Variants in TRIP11 observed in about 807,000 individuals in gnomAD.
TRIP11 encodes the protein thyroid hormone receptor interactor 11.
In TRIP11, 148 loss-of-function variants were observed where a neutral mutation model predicts 223.1. The ratio of observed to expected loss-of-function variants is 0.66; its 90% CI spans 0.58 to 0.76. TRIP11 has a LOEUF of 0.76. Ranked by LOEUF, TRIP11 falls within the 30% of genes least tolerant of loss-of-function variation. The pLI, the probability that TRIP11 is intolerant of heterozygous loss-of-function variation, is 0.00. For synonymous variants in TRIP11, 762 were observed against 772.6 expected (o/e 0.99, Z 0.23); for missense variants, 2,043 against 2,222.0 (o/e 0.92, Z 1.62).
intron 4 of TRIP11, among the ~76,000 whole-genome samples, chr14:92,018,177 CTCCACCTCCTGGGTTCAGGCAA>C (rs1208055977): frequency 6.6e-6 from 1 of 151,624 alleles, no homozygotes; most frequent in Non-Finnish European, 1.5e-5. Context: ...TCACTGCAGC[CTCCACCTCCTGGGTTCAGGCAA>C]TCCTCCCACC....
chr14:92,033,429 T>C (rs1445252871), intron 1 of TRIP11, among the ~76,000 whole-genome samples, 176 bp from the exon 2 acceptor site: 1 of 152,240 alleles, frequency 6.6e-6, no homozygotes, highest in Non-Finnish European at 1.5e-5. Flanking sequence ...ACACTAATGT[T>C]CTTCATTGTC....
intron 1 of TRIP11, among the ~76,000 whole-genome samples, chr14:92,034,424 C>CA (rs34612555): frequency 0.28 from 36,911 of 133,200 alleles, 4,682 homozygotes; most frequent in East Asian, 0.35. Flanking sequence ...CTCTTGTCTC[C>CA]AAAAAAAAAA....
chr14:91,995,349 T>A lies in TRIP11; in HGVS notation c.5056+3A>T. 3.1e-6 allele frequency: 5 copies of A among 1,613,346 alleles called. No individual in the cohort carries two copies. The highest frequency in any genetic ancestry group is 4.2e-6 in the Non-Finnish European group (5 of 1,179,910). On this transcript the variant is annotated splice_donor_region_variant and intron_variant, in intron 14 of 20. Transcript: ENST00000267622. Reference sequence around the variant, plus strand: ...TCATTGAAAGAGTGACCGTAGAGCTTACCTTGTTGGAAATGCTCTAGTACC... The same window carrying A: ...TCATTGAAAGAGTGACCGTAGAGCTAACCTTGTTGGAAATGCTCTAGTACC...
At chr14:91,994,357 A>G (rs1316728023) in intron 14 of TRIP11, among the ~76,000 whole-genome samples, 1 of 145,616 alleles carries the variant, frequency 6.9e-6, no homozygotes, top group Non-Finnish European at 1.5e-5. Flanking sequence ...CTCCTCCTCC[A>G]GGGTTCAAGC....
At chr14:92,007,578 C>A (rs908228959) in intron 10 of TRIP11, 62 bp downstream of exon 10, 6 of 1,538,190 alleles carry the variant, frequency 3.9e-6, no homozygotes, top group Non-Finnish European at 5.4e-6. Flanking sequence ...TCACACCCAC[C>A]ATTTCTGTGT....
At chr14:92,019,025 C>T (rs1236762127) in intron 4 of TRIP11, among the ~76,000 whole-genome samples, 1 of 141,848 alleles carries the variant, frequency 7.0e-6, no homozygotes, top group Non-Finnish European at 1.5e-5. Flanking sequence ...AGAGGTAATA[C>T]ATCTATCTCA....
rs77426136 is a variant in TRIP11 at position 92,000,378 on chromosome 14, C to T, written c.4558-270G>A. Among the ~76,000 whole-genome samples the T allele has an allele frequency of 0.019, 2,823 of 152,064 alleles. 53 individuals carry two copies. Among genetic ancestry groups the T allele is most frequent in the South Asian group, 0.082 (396 of 4,816 alleles). On this transcript the variant is annotated intron_variant, in intron 11 of 20. Transcript: ENST00000267622. ...ACATCTAAATATAATGAATATAAAGCGGTATCCTGCCGGTACAGGAAAAGG... is the reference window on the plus strand; with the variant it reads ...ACATCTAAATATAATGAATATAAAGTGGTATCCTGCCGGTACAGGAAAAGG...
In TRIP11 at chr14:91,986,360, T is replaced by C. The variant is rs531288048; in HGVS notation, c.5260+1924A>G. On this transcript the variant is annotated intron_variant, in intron 16 of 20. Coordinates refer to ENST00000267622, the MANE Select transcript of TRIP11 (RefSeq NM_004239.4). ...TTTGGATTTTTCAGACTTTGGAATA[T>C]CTACATTATAGTACTACTGGCTGAG... Among the ~76,000 whole-genome samples, 12 of 152,288 alleles carry C rather than the reference T, an allele frequency of 7.9e-5. No homozygotes were observed. The South Asian group carries it at 2.3e-3, about 29-fold the overall frequency.
At chr14:92,026,729 G>C (rs2057192850) in intron 2 of TRIP11, 1 of 1,043,826 alleles carries the variant, frequency 9.6e-7, no homozygotes, top group Non-Finnish European at 1.5e-6. Context: ...CAGGAAGAAG[G>C]TGGGGAGGAA....
chr14:92,014,412 T>C lies in TRIP11; in HGVS notation c.989A>G (p.Asp330Gly). 3 of 1,612,192 alleles carry C rather than the reference T, an allele frequency of 1.9e-6. No homozygotes were observed. Among genetic ancestry groups the C allele is most frequent in the Non-Finnish European group, 2.5e-6 (3 of 1,179,102 alleles). Reference protein sequence around the residue: ...KKLSSAENDRDILRREQEQLN... With the variant: ...KKLSSAENDRGILRREQEQLN... ...CTGTTCTTGTTCTCTCCTCAAAATA[T>C]CTCTGTCATTTTCTGCAGAAGATAA... Residue 330 changes from aspartate (D) to glycine (G), a missense_variant, in exon 7 of 21, where the codon GAT (aspartate) becomes GGT (glycine). Coordinates refer to ENST00000267622, the MANE Select transcript of TRIP11 (RefSeq NM_004239.4).
chr14:92,017,802 C>G (rs759352092), intron 4 of TRIP11, 52 bp from the exon 5 acceptor site: 1 of 1,472,172 alleles, frequency 6.8e-7, no homozygotes, highest in South Asian at 1.2e-5. Context: ...TTCTTGTCAA[C>G]AGAAAGTCAC....
At chr14:92,012,693 G>A (rs1230486711) in intron 7 of TRIP11, among the ~76,000 whole-genome samples, 1 of 152,156 alleles carries the variant, frequency 6.6e-6, no homozygotes, top group Non-Finnish European at 1.5e-5. Flanking sequence ...AGAGTGAAGA[G>A]GTAACATTGC....
At position 92,006,315 on chromosome 14, in the gene TRIP11, G is replaced by C. The variant is rs898911645; in HGVS notation, c.1661C>G (p.Thr554Ser). The change falls in exon 11 of 21, where the codon ACT becomes AGT. Residue 554 changes from threonine to serine, a missense_variant. Thr to Ser is a moderately conservative substitution (Grantham distance 58). Transcript: ENST00000267622. ...HQLEDDKMDITKELDVQKEKL... is the reference protein window; with the variant it reads ...HQLEDDKMDISKELDVQKEKL... ...TTCTTTCTGTACATCTAACTCTTTA[G>C]TAATGTCCATTTTATCATCTTCAAG... The C allele has an allele frequency of 3.1e-6, 5 of 1,610,504 alleles. No individual in the cohort carries two copies. Among genetic ancestry groups the C allele is most frequent in the Non-Finnish European group, 4.2e-6 (5 of 1,178,734 alleles).
At chr14:91,998,441 T>C (rs2056777927) in intron 13 of TRIP11, among the ~76,000 whole-genome samples, 1 of 152,174 alleles carries the variant, frequency 6.6e-6, no homozygotes, top group Non-Finnish European at 1.5e-5. Flanking sequence ...AATAATGGCA[T>C]ATTATGTAGC....
chr14:92,034,003 C>G (rs921261719), intron 1 of TRIP11, among the ~76,000 whole-genome samples: 1 of 152,162 alleles, frequency 6.6e-6, no homozygotes, highest in Non-Finnish European at 1.5e-5. Flanking sequence ...TGGCAGTTAC[C>G]CAAGAGACTT....
chr14:92,006,817 C>T (rs971723652), intron 10 of TRIP11, among the ~76,000 whole-genome samples: 4 of 150,110 alleles, frequency 2.7e-5, no homozygotes, highest in East Asian at 2.0e-4. Flanking sequence ...TACAGGCATG[C>T]GCCACCACAC....
intron 1 of TRIP11, among the ~76,000 whole-genome samples, chr14:92,039,309 A>C (rs992925694): frequency 1.3e-5 from 2 of 152,194 alleles, no homozygotes; most frequent in African/African-American, 4.8e-5. Flanking sequence ...ACTCTACTGT[A>C]CTTTGAGATA....
At chr14:92,011,149 T>C in intron 8 of TRIP11, 77 bp from the exon 9 acceptor site, 1 of 1,265,882 alleles carries the variant, frequency 7.9e-7, no homozygotes, top group Non-Finnish European at 1.1e-6. Flanking sequence ...TCTATACAAT[T>C]GTGTGTTTCT....
intron 4 of TRIP11, among the ~76,000 whole-genome samples, chr14:92,018,283 A>T (rs2057062203): frequency 6.6e-6 from 1 of 151,380 alleles, no homozygotes; most frequent in Admixed American, 6.6e-5. Flanking sequence ...TAGAGATGGG[A>T]TCTCACTATG....
Sources: gnomAD v4.1 joint callset for allele counts (sites outside exome capture counted in the v4.1 genomes callset) on GRCh38, gnomAD v4.1.1 for gene constraint, MANE v1.5 for transcripts, NCBI Gene and HGNC (gene_info 2026-07-23, HGNC 2026-07-21) for gene names.